FSTL4: variants seen among roughly 807,000 people sequenced by gnomAD.
FSTL4 encodes follistatin like 4.
In FSTL4, 28 loss-of-function variants were observed where a neutral mutation model predicts 78.2. That is an observed-to-expected ratio of 0.36 (90% confidence interval 0.27 to 0.49). The LOEUF (loss-of-function observed/expected upper bound fraction) is 0.49. Ranked by LOEUF, FSTL4 falls within the 20% of genes least tolerant of loss-of-function variation. The pLI is 0.98. For synonymous variants in FSTL4, 422 were observed against 440.5 expected (o/e 0.96, Z 0.53); for missense variants, 922 against 1,084.9 (o/e 0.85, Z 2.11).
Position 133,199,095 on chromosome 5 carries a change from T to G in FSTL4, c.2529A>C (p.Ter843CysextTer51), listed in dbSNP as rs1750230446. Residue 843 changes from the stop codon to cysteine (C), a stop_lost, in exon 16 of 16, where the codon TGA (stop) becomes TGC (cysteine). Coordinates refer to ENST00000265342, the MANE Select transcript of FSTL4 (RefSeq NM_015082.2). The surrounding 1 kb of genome is among the most constrained non-coding windows in gnomAD (Gnocchi z 4.4). Reference protein sequence around the residue: ...GTTVVWVGEV* With the variant: ...GTTVVWVGEVC Reference sequence around the variant, plus strand: ...GGCCCAGGGCTCTGCTCTGGGCCCTTCATACCTCACCCACCCACACCACTG... The same window carrying G: ...GGCCCAGGGCTCTGCTCTGGGCCCTGCATACCTCACCCACCCACACCACTG... The G allele has an allele frequency of 6.5e-7, 1 of 1,530,258 alleles. No homozygotes were observed. The allele number at this position is 1,530,258 out of a possible 1,614,324, so 94.8% of individuals were successfully genotyped here.
the FSTL4 span, among the ~76,000 whole-genome samples, chr5:133,705,869 G>GCACGCACA: frequency 6.8e-6 from 1 of 147,806 alleles, no homozygotes; most frequent in Non-Finnish European, 1.5e-5. Flanking sequence ...ACACACACAC[G>GCACGCACA]CACACACACA....
At chr5:133,286,034 C>A (rs1219859355) in intron 6 of FSTL4, among the ~76,000 whole-genome samples, 1 of 152,228 alleles carries the variant, frequency 6.6e-6, no homozygotes, top group East Asian at 1.9e-4. Flanking sequence ...CAGAATCTGA[C>A]CTGCCCTGTG....
chr5:133,404,598 C>T (rs2126974617), intron 3 of FSTL4, among the ~76,000 whole-genome samples: 1 of 152,270 alleles, frequency 6.6e-6, no homozygotes. Flanking sequence ...GCTGAAGACT[C>T]CCTCTGTGAT....
intron 3 of FSTL4, among the ~76,000 whole-genome samples, chr5:133,485,947 C>T (rs1304759215): frequency 3.3e-5 from 5 of 152,146 alleles, no homozygotes; most frequent in African/African-American, 4.8e-5. Context: ...TTCTCCAGTT[C>T]GGGACTATGG....
intron 4 of FSTL4, among the ~76,000 whole-genome samples, chr5:133,358,163 C>A (rs963310205): frequency 1.3e-5 from 2 of 152,202 alleles, no homozygotes; most frequent in African/African-American, 4.8e-5. Context: ...ATAGCAGGAA[C>A]CTTATGATTA....
At chr5:133,283,732 G>A (rs1327652640) in intron 6 of FSTL4, among the ~76,000 whole-genome samples, 1 of 152,168 alleles carries the variant, frequency 6.6e-6, no homozygotes, top group East Asian at 1.9e-4. Flanking sequence ...CTGCATGGGT[G>A]TAGGGCAATA....
chr5:133,262,606 C>T (rs1036931375), intron 6 of FSTL4, among the ~76,000 whole-genome samples: 1 of 152,228 alleles, frequency 6.6e-6, no homozygotes, highest in Admixed American at 6.5e-5. Context: ...AAGCGCCTGT[C>T]TCTGGTCTTT....
chr5:133,551,460 C>T (rs1012489221), intron 3 of FSTL4, among the ~76,000 whole-genome samples: 7 of 152,178 alleles, frequency 4.6e-5, no homozygotes, highest in African/African-American at 1.7e-4. Flanking sequence ...AACTGTTTAT[C>T]ATCTGAATTT....
chr5:133,592,848 C>G (rs1254721799), intron 2 of FSTL4, among the ~76,000 whole-genome samples: 2 of 152,160 alleles, frequency 1.3e-5, no homozygotes, highest in Non-Finnish European at 2.9e-5. Flanking sequence ...GATTCTGGGG[C>G]CATGCTTCTT....
the FSTL4 span, among the ~76,000 whole-genome samples, chr5:133,637,598 T>C: frequency 6.6e-6 from 1 of 152,094 alleles, no homozygotes; most frequent in Admixed American, 6.6e-5. Flanking sequence ...TTTCTTTCTA[T>C]CTCCTTGGCC....
At chr5:133,259,924 AAC>A (rs2126833932) in intron 6 of FSTL4, among the ~76,000 whole-genome samples, 1 of 152,242 alleles carries the variant, frequency 6.6e-6, no homozygotes, top group East Asian at 1.9e-4. Flanking sequence ...GACCCCACAC[AAC>A]ATTGAGGTCC....
upstream of FSTL4, among the ~76,000 whole-genome samples, chr5:133,613,364 G>T (rs1761144425): frequency 6.6e-6 from 1 of 152,236 alleles, no homozygotes; most frequent in Admixed American, 6.5e-5. Context: ...CTGAGGGCCT[G>T]CCTCCTGCTC....
intron 4 of FSTL4, among the ~76,000 whole-genome samples, chr5:133,390,939 C>T (rs558878615): frequency 6.6e-6 from 1 of 152,314 alleles, no homozygotes; most frequent in East Asian, 1.9e-4. Flanking sequence ...AGCCGAGCCC[C>T]CAGGCCTCTG....
At chr5:133,352,993 G>GT (rs1318055262) in intron 4 of FSTL4, among the ~76,000 whole-genome samples, 4 of 152,128 alleles carry the variant, frequency 2.6e-5, no homozygotes, top group Non-Finnish European at 5.9e-5. Flanking sequence ...ATTATTTAAG[G>GT]TTTTTAAATG....
chr5:133,295,294 G>A (rs1278348676), intron 6 of FSTL4, among the ~76,000 whole-genome samples: 1 of 151,962 alleles, frequency 6.6e-6, no homozygotes, highest in Admixed American at 6.6e-5. Context: ...TGGGTCTGCC[G>A]CCCATCCATC....
chr5:133,544,306 G>A (rs201670290), intron 3 of FSTL4, among the ~76,000 whole-genome samples: 2 of 151,844 alleles, frequency 1.3e-5, no homozygotes, highest in East Asian at 3.9e-4. Flanking sequence ...ATGAAGGTGT[G>A]TTAAAAATCT....
At chr5:133,794,114 C>T in the FSTL4 span, among the ~76,000 whole-genome samples, 2 of 151,838 alleles carry the variant, frequency 1.3e-5, no homozygotes, top group Non-Finnish European at 2.9e-5. Flanking sequence ...TCTGGAGCTC[C>T]GGGCTCTGCA....
At chr5:133,289,186 G>A (rs1753201946) in intron 6 of FSTL4, among the ~76,000 whole-genome samples, 1 of 152,202 alleles carries the variant, frequency 6.6e-6, no homozygotes, top group Non-Finnish European at 1.5e-5. Context: ...CTGAAAATGA[G>A]GTCACAACCC....
intron 4 of FSTL4, among the ~76,000 whole-genome samples, chr5:133,319,872 T>C (rs916328376): frequency 1.3e-5 from 2 of 152,190 alleles, no homozygotes; most frequent in Non-Finnish European, 2.9e-5. Context: ...ACTTAAATCA[T>C]GAAGTCATTT....
Sources: gnomAD v4.1 joint callset for allele counts (sites outside exome capture counted in the v4.1 genomes callset) on GRCh38, gnomAD v4.1.1 for gene constraint, Gnocchi (gnomAD v3.1) non-coding constraint, MANE v1.5 for transcripts, NCBI Gene and HGNC (gene_info 2026-07-23, HGNC 2026-07-21) for gene names.